Variants in SEM1 observed in about 807,000 individuals in gnomAD.
SEM1 encodes the protein SEM1 26S proteasome subunit, also known as 26S proteasome complex subunit SEM1.
Under a neutral mutation model 12.7 loss-of-function variants are expected in SEM1, and 3 were observed. That is an observed-to-expected ratio of 0.24 (90% CI 0.11 to 0.61). SEM1 has a LOEUF of 0.61. Ranked by LOEUF, SEM1 falls within the 20% of genes least tolerant of loss-of-function variation. The pLI is 0.88. For missense variants in SEM1, 59 were observed against 81.3 expected (o/e 0.73, Z 1.06); for synonymous variants, 30 against 27.8 (o/e 1.08, Z -0.25).
chr7:96,576,318 T>C (rs997844059), intron 2 of SEM1, among the ~76,000 whole-genome samples: 3 of 152,230 alleles, frequency 2.0e-5, no homozygotes, highest in Non-Finnish European at 2.9e-5. Flanking sequence ...TTATCTTTAT[T>C]GTGTATTTTC....
chr7:96,682,378 T>C (rs1789640750), intron 2 of SEM1, among the ~76,000 whole-genome samples: 1 of 151,926 alleles, frequency 6.6e-6, no homozygotes, highest in African/African-American at 2.4e-5. Flanking sequence ...ACCCTTTATT[T>C]CTTTCTCTTG....
chr7:96,633,321 G>C (rs895823097), intron 2 of SEM1, among the ~76,000 whole-genome samples: 1 of 151,966 alleles, frequency 6.6e-6, no homozygotes, highest in Admixed American at 6.6e-5. Context: ...TGCTTGCCTT[G>C]GTATTTTGTA....
intron 2 of SEM1, among the ~76,000 whole-genome samples, chr7:96,644,156 T>A (rs533846430): frequency 6.6e-6 from 1 of 152,222 alleles, no homozygotes; most frequent in South Asian, 2.1e-4. Context: ...CGTGGAAGGA[T>A]GAAAGGCAGT....
intron 2 of SEM1, among the ~76,000 whole-genome samples, chr7:96,528,954 C>T (rs1804552595): frequency 6.6e-6 from 1 of 152,082 alleles, no homozygotes; most frequent in Non-Finnish European, 1.5e-5. Context: ...AAATTTAATG[C>T]AATTTACCCA....
chr7:96,532,628 C>A (rs910968196), intron 2 of SEM1, among the ~76,000 whole-genome samples: 2 of 152,108 alleles, frequency 1.3e-5, no homozygotes, highest in African/African-American at 2.4e-5. Context: ...CTGCATGAGG[C>A]TGTCTTCCAT....
chr7:96,545,916 G>C (rs563324504), intron 2 of SEM1, among the ~76,000 whole-genome samples: 1 of 152,206 alleles, frequency 6.6e-6, no homozygotes, highest in African/African-American at 2.4e-5. Context: ...TGAGGAGTTT[G>C]AAGAGCCTAA....
intron 2 of SEM1, among the ~76,000 whole-genome samples, chr7:96,577,139 A>T (rs1806233419): frequency 6.6e-6 from 1 of 151,932 alleles, no homozygotes; most frequent in East Asian, 1.9e-4. Context: ...TGGATACAAT[A>T]TTTGATCTTT....
chr7:96,491,273 AC>A (rs1802995848), intron 1 of SEM1, among the ~76,000 whole-genome samples: 2 of 152,216 alleles, frequency 1.3e-5, no homozygotes, highest in Non-Finnish European at 2.9e-5. Flanking sequence ...TGTTTTTATA[AC>A]ATTTATGATA....
chr7:96,709,367 A>G (rs1033363829), intron 1 of SEM1, among the ~76,000 whole-genome samples: 1 of 152,242 alleles, frequency 6.6e-6, no homozygotes, highest in East Asian at 1.9e-4. Flanking sequence ...GTAGACTTGA[A>G]CTAAGTTTAA....
At chr7:96,498,474 T>C (rs1402060283), upstream of SEM1, among the ~76,000 whole-genome samples, 1 of 152,182 alleles carries the variant, frequency 6.6e-6, no homozygotes, top group African/African-American at 2.4e-5. Context: ...AGGTTTGAGA[T>C]GGAGAATGAT....
chr7:96,546,010 C>T (rs549002431), intron 2 of SEM1, among the ~76,000 whole-genome samples: 15 of 152,200 alleles, frequency 9.9e-5, no homozygotes, highest in Non-Finnish European at 1.5e-4. Flanking sequence ...TGTACCCCAT[C>T]CTTTGAATCA....
At chr7:96,525,021 T>C (rs1804405817) in intron 2 of SEM1, among the ~76,000 whole-genome samples, 1 of 152,126 alleles carries the variant, frequency 6.6e-6, no homozygotes, top group African/African-American at 2.4e-5. Context: ...AGACTGCTGG[T>C]GGCTGCCATA....
At chr7:96,643,969 C>T (rs1808705247) in intron 2 of SEM1, among the ~76,000 whole-genome samples, 1 of 151,934 alleles carries the variant, frequency 6.6e-6, no homozygotes, top group African/African-American at 2.4e-5. Context: ...CTGAGTGGAG[C>T]CTGCCCCAAG....
At chr7:96,515,517 C>T (rs561682416) in intron 2 of SEM1, among the ~76,000 whole-genome samples, 1 of 152,254 alleles carries the variant, frequency 6.6e-6, no homozygotes, top group Non-Finnish European at 1.5e-5. Context: ...CCAGCAATCC[C>T]ATTACTGGGT....
intron 2 of SEM1, among the ~76,000 whole-genome samples, chr7:96,616,612 A>C (rs1011591139): frequency 6.6e-6 from 1 of 152,014 alleles, no homozygotes; most frequent in South Asian, 2.1e-4. Context: ...CTTAGTCATA[A>C]ATTCTTTACC....
At chr7:96,596,141 A>C (rs751454538) in intron 2 of SEM1, among the ~76,000 whole-genome samples, 5 of 152,214 alleles carry the variant, frequency 3.3e-5, no homozygotes, top group Non-Finnish European at 5.9e-5. Context: ...GTAGCAGATG[A>C]AGGATCAGAT....
At chr7:96,536,679 C>T (rs1019101570) in intron 2 of SEM1, among the ~76,000 whole-genome samples, 2 of 151,702 alleles carry the variant, frequency 1.3e-5, no homozygotes, top group African/African-American at 4.8e-5. Context: ...TCCTCTTTGT[C>T]CCTCATGATC....
chr7:96,642,185 G>C (rs565864951), intron 2 of SEM1, among the ~76,000 whole-genome samples: 40 of 152,040 alleles, frequency 2.6e-4, no homozygotes, highest in Admixed American at 5.9e-4. Flanking sequence ...ATTGCAGAAA[G>C]TTTTATTGAA....
At chr7:96,651,377 G>A (rs1808977375) in intron 2 of SEM1, among the ~76,000 whole-genome samples, 1 of 151,922 alleles carries the variant, frequency 6.6e-6, no homozygotes, top group Non-Finnish European at 1.5e-5. Context: ...AAGTTTTTCT[G>A]GAATATCCAA....
Sources: allele counts gnomAD v4.1 joint callset (sites outside exome capture counted in the v4.1 genomes callset), GRCh38; gene constraint gnomAD v4.1.1; transcripts MANE v1.5; gene names NCBI Gene and HGNC (gene_info 2026-07-23, HGNC 2026-07-21).